Variants in RBFOX1 observed in about 807,000 individuals in gnomAD.
The protein encoded by RBFOX1 is RNA binding protein fox-1 homolog 1.
A neutral mutation model predicts 57.7 loss-of-function variants in RBFOX1; 8 were observed. The ratio of observed to expected loss-of-function variants is 0.14; its 90% CI spans 0.08 to 0.25. The LOEUF (loss-of-function observed/expected upper bound fraction) is 0.25, where lower values mean the gene tolerates loss of function less well. Ranked by LOEUF, RBFOX1 falls within the 10% of genes least tolerant of loss-of-function variation. The probability of loss-of-function intolerance (pLI) is 1.00; values close to 1 mark genes in which losing one functional copy is unlikely to be tolerated. For synonymous variants in RBFOX1, 326 were observed against 222.4 expected, an observed-to-expected ratio of 1.47 and a Z score of -4.15; for missense variants, 611 against 548.5, an observed-to-expected ratio of 1.11 and a Z score of -1.14.
intron 5 of RBFOX1, among the ~76,000 whole-genome samples, chr16:7,567,391 CTA>C (rs534407480): frequency 6.1e-5 from 8 of 131,196 alleles, no homozygotes; most frequent in African/African-American, 1.8e-4. Context: ...ATGTATGGCC[CTA>C]TATATATATA....
At chr16:5,855,122 A>G (rs1464695093) in intron 3 of RBFOX1, among the ~76,000 whole-genome samples, 1 of 152,114 alleles carries the variant, frequency 6.6e-6, no homozygotes, top group Non-Finnish European at 1.5e-5. Context: ...TATTTTGAAT[A>G]TTATCCCCTT....
At chr16:6,767,935 TAATAATAATAATAAGAAGAAGAAGAAG>T (rs1219795377) in intron 3 of RBFOX1, among the ~76,000 whole-genome samples, 50 of 93,226 alleles carry the variant, frequency 5.4e-4, no homozygotes, top group African/African-American at 2.5e-3. Flanking sequence ...ATAATAATAA[TAATAATAATAATAAGAAGAAGAAGAAG>T]AAGAAGAAGA....
chr16:5,775,646 C>T (rs1339767566), intron 3 of RBFOX1, among the ~76,000 whole-genome samples: 2 of 152,182 alleles, frequency 1.3e-5, no homozygotes, highest in East Asian at 1.9e-4. Flanking sequence ...TGAACATGGC[C>T]TCAGTGCCAC....
chr16:5,847,098 T>C (rs1342103659), intron 3 of RBFOX1, among the ~76,000 whole-genome samples: 1 of 152,170 alleles, frequency 6.6e-6, no homozygotes, highest in Non-Finnish European at 1.5e-5. Flanking sequence ...CCGAAGTGGC[T>C]GTGCAAGGGC....
intron 2 of RBFOX1, among the ~76,000 whole-genome samples, chr16:6,620,846 C>G (rs536241020): frequency 2.0e-5 from 3 of 152,308 alleles, no homozygotes; most frequent in African/African-American, 7.2e-5. Flanking sequence ...CATATTGTCA[C>G]CAAAGCTCCA....
At chr16:6,822,428 T>C (rs190065224) in intron 3 of RBFOX1, among the ~76,000 whole-genome samples, 31 of 152,352 alleles carry the variant, frequency 2.0e-4, no homozygotes, top group African/African-American at 7.5e-4. Flanking sequence ...CTGCAAACTT[T>C]CATTGCTAAC....
At chr16:7,679,429 A>C (rs1229377680) in intron 14 of RBFOX1, among the ~76,000 whole-genome samples, 1 of 152,144 alleles carries the variant, frequency 6.6e-6, no homozygotes, top group Non-Finnish European at 1.5e-5. Flanking sequence ...TAACAGAAAA[A>C]CTTCGTCCAA....
intron 4 of RBFOX1, among the ~76,000 whole-genome samples, chr16:7,081,030 A>G (rs1598933523): frequency 1.3e-5 from 2 of 152,218 alleles, no homozygotes; most frequent in East Asian, 3.9e-4. Context: ...CCGTAGCCAC[A>G]CTGGCTTTAT....
intron 4 of RBFOX1, among the ~76,000 whole-genome samples, chr16:7,107,430 A>G (rs543334803): frequency 6.6e-6 from 1 of 152,256 alleles, no homozygotes; most frequent in South Asian, 2.1e-4. Context: ...CGATTCTTGT[A>G]CAACACTCCT....
intron 3 of RBFOX1, among the ~76,000 whole-genome samples, chr16:7,023,219 A>G (rs1411120045): frequency 1.3e-5 from 2 of 152,004 alleles, no homozygotes; most frequent in Non-Finnish European, 2.9e-5. Context: ...GCTCATGACT[A>G]TAATCCTATC....
intron 2 of RBFOX1, among the ~76,000 whole-genome samples, chr16:5,558,710 G>C (rs1318200673): frequency 3.3e-5 from 5 of 152,134 alleles, no homozygotes; most frequent in African/African-American, 4.8e-5. Flanking sequence ...CCCTGAGACT[G>C]TCAGCCCCCT....
chr16:7,212,386 G>A (rs572864719), intron 4 of RBFOX1, among the ~76,000 whole-genome samples: 61 of 152,158 alleles, frequency 4.0e-4, no homozygotes, highest in Non-Finnish European at 5.7e-4. Context: ...TGATGACTGA[G>A]GAACACTTGT....
chr16:5,795,856 T>C (rs760431589), intron 3 of RBFOX1, among the ~76,000 whole-genome samples: 3 of 152,244 alleles, frequency 2.0e-5, no homozygotes, highest in Non-Finnish European at 4.4e-5. Context: ...GCAAAGCCAT[T>C]AGAGCCTCAC....
chr16:7,120,993 A>G (rs1035825194), intron 4 of RBFOX1, among the ~76,000 whole-genome samples: 1 of 151,972 alleles, frequency 6.6e-6, no homozygotes, highest in African/African-American at 2.4e-5. Context: ...ATATTAACAC[A>G]ATAAAGAAGA....
intron 1 of RBFOX1, among the ~76,000 whole-genome samples, chr16:5,430,521 G>A (rs1047990265): frequency 8.5e-5 from 13 of 152,152 alleles, no homozygotes; most frequent in African/African-American, 2.7e-4. Flanking sequence ...ACCCAGGAAC[G>A]GAAGGAGCAT....
At chr16:6,627,223 A>C (rs1278599564) in intron 2 of RBFOX1, among the ~76,000 whole-genome samples, 1 of 152,222 alleles carries the variant, frequency 6.6e-6, no homozygotes, top group Non-Finnish European at 1.5e-5. Context: ...TTGGTCCAGC[A>C]CAGGGGAATG....
At chr16:6,555,411 C>A (rs2097080004) in intron 2 of RBFOX1, among the ~76,000 whole-genome samples, 1 of 152,072 alleles carries the variant, frequency 6.6e-6, no homozygotes, top group African/African-American at 2.4e-5. Flanking sequence ...TTAAAGGATA[C>A]CATTCCAGCT....
chr16:5,483,397 G>A (rs2069614760), intron 2 of RBFOX1, among the ~76,000 whole-genome samples: 1 of 152,194 alleles, frequency 6.6e-6, no homozygotes, highest in Admixed American at 6.5e-5. Flanking sequence ...AGGAAGTACT[G>A]CTTGACTAAT....
intron 3 of RBFOX1, among the ~76,000 whole-genome samples, chr16:6,884,297 A>G (rs1313523483): frequency 6.6e-6 from 1 of 152,156 alleles, no homozygotes; most frequent in East Asian, 1.9e-4. Flanking sequence ...CTGTGAAGCA[A>G]CTGCAGCTCT....
Sources: gnomAD v4.1 joint callset for allele counts (sites outside exome capture counted in the v4.1 genomes callset) on GRCh38, gnomAD v4.1.1 for gene constraint, MANE v1.5 for transcripts, NCBI Gene and HGNC (gene_info 2026-07-23, HGNC 2026-07-21) for gene names.